CDC42SE2: variants seen among roughly 807,000 people sequenced by gnomAD.
CDC42SE2 encodes the protein CDC42 small effector protein 2.
Under a neutral mutation model 11.5 loss-of-function variants are expected in CDC42SE2, and 3 were observed. That is an observed-to-expected ratio of 0.26 (90% CI 0.12 to 0.67). The LOEUF is 0.67. CDC42SE2 is among the 30% of genes least tolerant of loss of function. CDC42SE2 has a pLI of 0.80. For missense variants in CDC42SE2, 82 were observed against 106.8 expected (o/e 0.77, Z 1.02); for synonymous variants, 33 against 34.8 (o/e 0.95, Z 0.18).
intron 2 of CDC42SE2, among the ~76,000 whole-genome samples, chr5:131,345,160 A>G (rs983106130): frequency 7.9e-5 from 12 of 152,164 alleles, no homozygotes; most frequent in African/African-American, 2.9e-4. Context: ...GACTTTGGCA[A>G]GTTGAGAGAA....
At chr5:131,225,343 A>G in the CDC42SE2 span, among the ~76,000 whole-genome samples, 2 of 152,338 alleles carry the variant, frequency 1.3e-5, no homozygotes, top group Admixed American at 1.3e-4. Flanking sequence ...CGTACCTACA[A>G]GCCAGGGAGT....
chr5:131,365,889 G>A (rs911317232), intron 3 of CDC42SE2, among the ~76,000 whole-genome samples: 31 of 152,198 alleles, frequency 2.0e-4, no homozygotes, highest in African/African-American at 7.2e-4. Flanking sequence ...GGCTGAGGCA[G>A]GAGAATGGTG....
chr5:131,310,630 C>T (rs1411852884), intron 1 of CDC42SE2, among the ~76,000 whole-genome samples: 117 of 151,766 alleles, frequency 7.7e-4, no homozygotes, highest in African/African-American at 2.6e-3. Flanking sequence ...TCTGGGTGCT[C>T]CTGTATTGGG....
chr5:131,281,351 G>T (rs1757235042), intron 1 of CDC42SE2, among the ~76,000 whole-genome samples: 1 of 152,140 alleles, frequency 6.6e-6, no homozygotes, highest in Non-Finnish European at 1.5e-5. Flanking sequence ...AGTTGATGTG[G>T]CCTTTTCTAC....
At chr5:131,333,902 T>C (rs1007913198) in intron 2 of CDC42SE2, among the ~76,000 whole-genome samples, 1 of 152,236 alleles carries the variant, frequency 6.6e-6, no homozygotes, top group Non-Finnish European at 1.5e-5. Flanking sequence ...AATCATGTCA[T>C]CTGCAAACAG....
intron 2 of CDC42SE2, among the ~76,000 whole-genome samples, chr5:131,328,597 T>A (rs950779816): frequency 2.6e-5 from 4 of 152,352 alleles, no homozygotes; most frequent in Non-Finnish European, 4.4e-5. Flanking sequence ...CATATACTTA[T>A]ATCTTCCATT....
intron 1 of CDC42SE2, among the ~76,000 whole-genome samples, chr5:131,270,739 G>A (rs1000309319): frequency 6.6e-6 from 1 of 152,158 alleles, no homozygotes; most frequent in Non-Finnish European, 1.5e-5. Context: ...TTTTATTTTA[G>A]TCATTAAAAG....
intron 3 of CDC42SE2, 62 bp from the exon 4 acceptor site, chr5:131,385,481 A>C (rs1750454024): frequency 8.4e-7 from 1 of 1,187,294 alleles, no homozygotes; most frequent in African/African-American, 1.5e-5. Context: ...TAGTATAAAA[A>C]TCCATCAGAA....
At chr5:131,260,143 G>C (rs1179451783), upstream of CDC42SE2, among the ~76,000 whole-genome samples, 1 of 152,136 alleles carries the variant, frequency 6.6e-6, no homozygotes, top group African/African-American at 2.4e-5. Context: ...AGACCTCACA[G>C]GTAGGTAATA....
At chr5:131,241,195 G>A (rs1287256409), upstream of CDC42SE2, among the ~76,000 whole-genome samples, 1 of 151,764 alleles carries the variant, frequency 6.6e-6, no homozygotes, top group African/African-American at 2.4e-5. Context: ...AGCCAGGATG[G>A]TCTCGATCTC....
At chr5:131,263,693 C>G (rs973437388), upstream of CDC42SE2, 6 of 151,764 alleles carry the variant, frequency 4.0e-5, no homozygotes, top group Non-Finnish European at 8.8e-5. Context: ...CGCTCCTCCG[C>G]ACGGATGTCC....
intron 1 of CDC42SE2, among the ~76,000 whole-genome samples, chr5:131,270,086 A>C (rs1214255149): frequency 6.8e-6 from 1 of 147,252 alleles, no homozygotes; most frequent in Non-Finnish European, 1.5e-5. Flanking sequence ...AACAAAAAAA[A>C]ACAACTGGCC....
chr5:131,273,354 C>T (rs1266798814), intron 1 of CDC42SE2, among the ~76,000 whole-genome samples: 1 of 150,082 alleles, frequency 6.7e-6, no homozygotes, highest in East Asian at 2.0e-4. Flanking sequence ...TTGGGTTTCA[C>T]CATGATGGCC....
rs532592189 is a variant in CDC42SE2, at chr5:131,258,089, G to T, written n.242+2860G>T. Among the ~76,000 whole-genome samples the T allele has an allele frequency of 8.5e-4, 129 of 152,256 alleles. 1 individual carries two copies. Among genetic ancestry groups the T allele is most frequent in the African/African-American group, 2.6e-3 (110 of 41,540 alleles). On this transcript the variant is annotated intron_variant and non_coding_transcript_variant, in intron 2 of 3. Coordinates refer to the CDC42SE2 transcript ENST00000502840. ...CATCTTTCCCCACTCTTGTATGCCA[G>T]CCTGCCAATACTCAACTCAAGATCC...
chr5:131,355,565 C>T (rs1420877218), intron 2 of CDC42SE2, among the ~76,000 whole-genome samples: 1 of 152,054 alleles, frequency 6.6e-6, no homozygotes, highest in African/African-American at 2.4e-5. Flanking sequence ...TTGTCACTTG[C>T]CTGAACTAAC....
rs1750640237 is a variant in CDC42SE2, at chr5:131,391,149, A to G, written c.*58A>G. ...TGGGGTCTGGACCTGACGGCCAGAC[A>G]TGGCCAGGCCAATAATAGTAAATAT... On this transcript the variant is annotated 3_prime_UTR_variant, in exon 5 of 5. Coordinates refer to ENST00000505065, the MANE Select transcript of CDC42SE2 (RefSeq NM_001375635.1). 6.0e-6 allele frequency: 7 copies of G among 1,173,306 alleles called. No homozygotes were observed. In the East Asian group the frequency reaches 7.4e-5, roughly 12 times the overall value. The allele number at this position is 1,173,306 out of a possible 1,614,324, so 72.7% of individuals were successfully genotyped here. A position where few individuals can be genotyped will look rare whatever the true frequency, so the allele number is the denominator to read the frequency against.
rs574478613 is a variant in CDC42SE2 at position 131,248,770 on chromosome 5, C to T, written n.107+3171C>T. On this transcript the variant is annotated intron_variant and non_coding_transcript_variant, in intron 1 of 3. Transcript: ENST00000502840. ...ACAGAAGTTAGCCAAGACCTCTTTA[C>T]GGAAAATTATTATAAAACGTTGTTA... Among the ~76,000 whole-genome samples, 50 of 152,118 alleles carry T rather than the reference C, an allele frequency of 3.3e-4. No individual in the cohort carries two copies. The South Asian group carries it at 6.4e-3, about 20-fold the overall frequency.
intron 1 of CDC42SE2, among the ~76,000 whole-genome samples, chr5:131,273,105 A>T (rs989720657): frequency 2.2e-4 from 34 of 151,174 alleles, no homozygotes; most frequent in African/African-American, 8.2e-4. Context: ...CTGTGATCTC[A>T]TTCTGTCTAG....
Position 131,319,968 on chromosome 5 carries a change from G to A in CDC42SE2, c.-286+3824G>A, listed in dbSNP as rs563213950. On this transcript the variant is annotated intron_variant, in intron 2 of 4. Transcript: ENST00000505065. ...CGGGAGGCCAAGGCAGAAGAATGGC[G>A]TGAACCCGGGAGGCAGAAGTTGCAG... is the stretch of plus-strand genomic sequence containing the variant. 8.4e-4 allele frequency among the ~76,000 whole-genome samples: 124 copies of A among 148,294 alleles called. 1 individual carries two copies. Among genetic ancestry groups the A allele is most frequent in the South Asian group, 2.1e-3 (10 of 4,670 alleles).
Sources: gnomAD v4.1 joint callset for allele counts (sites outside exome capture counted in the v4.1 genomes callset) on GRCh38, gnomAD v4.1.1 for gene constraint, MANE v1.5 for transcripts, NCBI Gene and HGNC (gene_info 2026-07-23, HGNC 2026-07-21) for gene names.